CPS1: variants seen among roughly 807,000 people sequenced by gnomAD.
The protein encoded by CPS1 is carbamoyl-phosphate synthase [ammonia], mitochondrial.
In CPS1, 109 loss-of-function variants were observed where a neutral mutation model predicts 174.6. The observed-to-expected ratio is 0.62, with a 90% CI of 0.53 to 0.73. The LOEUF (loss-of-function observed/expected upper bound fraction) is 0.73, where lower values mean the gene tolerates loss of function less well. Ranked by LOEUF, CPS1 falls within the 30% of genes least tolerant of loss-of-function variation. The probability of loss-of-function intolerance (pLI) is 0.00; values close to 1 mark genes in which losing one functional copy is unlikely to be tolerated. For synonymous variants in CPS1, 637 were observed against 632.0 expected (o/e 1.01, Z -0.12); for missense variants, 1,689 against 1,821.9 (o/e 0.93, Z 1.33).
At chr2:210,627,153 T>G (rs572110858) in intron 21 of CPS1, among the ~76,000 whole-genome samples, 1 of 152,140 alleles carries the variant, frequency 6.6e-6, no homozygotes, top group Non-Finnish European at 1.5e-5. Flanking sequence ...GAGGAGACAT[T>G]GTGAGGAATT....
intron 21 of CPS1, among the ~76,000 whole-genome samples, chr2:210,623,646 G>A (rs1183066063): frequency 6.6e-6 from 1 of 152,108 alleles, no homozygotes; most frequent in African/African-American, 2.4e-5. Context: ...GACAACCCTG[G>A]TGAGTTCCAC....
chr2:210,546,093 A>C (rs1696557505), intron 1 of CPS1, among the ~76,000 whole-genome samples: 1 of 152,076 alleles, frequency 6.6e-6, no homozygotes, highest in East Asian at 1.9e-4. Flanking sequence ...CACTTCTAAG[A>C]ATAAAACTGA....
Position 210,590,120 on chromosome 2 carries a change from G to A in CPS1, c.726G>A (p.Val242=), listed in dbSNP as rs765377334. 10 of 1,612,742 alleles carry A rather than the reference G, an allele frequency of 6.2e-6. No homozygotes were observed. The highest frequency in any genetic ancestry group is 5.0e-5 in the Admixed American group (3 of 59,920). Reference sequence around the variant, plus strand: ...CTCTTTTCCAGCGAGGAGCTGAAGTGCACTTAGTTCCCTGGAACCATGATT... The same window carrying A: ...CTCTTTTCCAGCGAGGAGCTGAAGTACACTTAGTTCCCTGGAACCATGATT... ...IRLLVKRGAE[V]HLVPWNHDFT... The change falls in exon 8 of 38, where the codon GTG becomes GTA. Residue 242 remains valine (V), a synonymous_variant. Transcript: ENST00000233072.
chr2:210,628,985 G>C (rs1195316028), intron 21 of CPS1, among the ~76,000 whole-genome samples: 1 of 152,042 alleles, frequency 6.6e-6, no homozygotes, highest in Non-Finnish European at 1.5e-5. Context: ...AAATATAGGA[G>C]TTTCAAATAA....
At chr2:210,626,386 G>T (rs568818251) in intron 21 of CPS1, among the ~76,000 whole-genome samples, 1 of 152,078 alleles carries the variant, frequency 6.6e-6, no homozygotes, top group Admixed American at 6.5e-5. Flanking sequence ...TATGATTCCT[G>T]GTTGTTCAAA....
chr2:210,510,767 G>A (rs1315347965), intron 1 of CPS1, among the ~76,000 whole-genome samples: 16 of 151,298 alleles, frequency 1.1e-4, no homozygotes, highest in African/African-American at 3.9e-4. Context: ...GCAGCCAAAA[G>A]ACACATGAAA....
intron 1 of CPS1, among the ~76,000 whole-genome samples, chr2:210,543,196 A>G (rs891720924): frequency 6.6e-6 from 1 of 152,202 alleles, no homozygotes; most frequent in African/African-American, 2.4e-5. Context: ...CTCACGTTGC[A>G]TGCAGTGCAT....
At chr2:210,527,776 AT>A (rs1486066980) in intron 1 of CPS1, among the ~76,000 whole-genome samples, 1 of 151,890 alleles carries the variant, frequency 6.6e-6, no homozygotes, top group African/African-American at 2.4e-5. Context: ...TACCTAATAT[AT>A]TCTTGACAGA....
intron 1 of CPS1, among the ~76,000 whole-genome samples, chr2:210,525,734 C>T (rs1695954960): frequency 6.6e-6 from 1 of 150,758 alleles, no homozygotes; most frequent in Non-Finnish European, 1.5e-5. Flanking sequence ...TGGGCTGAGC[C>T]TTAGGAAACA....
chr2:210,660,223 T>C (rs1700871926), intron 31 of CPS1, among the ~76,000 whole-genome samples: 1 of 152,110 alleles, frequency 6.6e-6, no homozygotes, highest in African/African-American at 2.4e-5. Flanking sequence ...ATGGCATTAT[T>C]TGAGCTCTGC....
intron 1 of CPS1, among the ~76,000 whole-genome samples, chr2:210,487,332 T>C (rs1232550116): frequency 6.6e-6 from 1 of 152,190 alleles, no homozygotes; most frequent in Non-Finnish European, 1.5e-5. Context: ...GTTGGAGGAC[T>C]TGCTCTCTGT....
intron 1 of CPS1, among the ~76,000 whole-genome samples, chr2:210,543,682 T>G (rs955033515): frequency 6.6e-6 from 1 of 152,124 alleles, no homozygotes; most frequent in Non-Finnish European, 1.5e-5. Context: ...TAAGCTGTCT[T>G]AATATACTGA....
At chr2:210,624,896 T>C (rs1448009952) in intron 21 of CPS1, among the ~76,000 whole-genome samples, 3 of 152,050 alleles carry the variant, frequency 2.0e-5, no homozygotes, top group African/African-American at 7.2e-5. Flanking sequence ...TTCATAAGAA[T>C]ATACAACTTA....
chr2:210,658,436 G>T, intron 30 of CPS1, 163 bp from the exon 31 acceptor site: 1 of 604,096 alleles, frequency 1.7e-6, no homozygotes, highest in Non-Finnish European at 3.0e-6. Context: ...TTTGTTAATA[G>T]AAACCTAATA....
chr2:210,482,889 T>C (rs561691509), intron 1 of CPS1, among the ~76,000 whole-genome samples: 1 of 152,348 alleles, frequency 6.6e-6, no homozygotes, highest in East Asian at 1.9e-4. Context: ...TTCACTTAGA[T>C]ACTTTCAGAG....
chr2:210,533,560 T>A (rs1310754001), intron 1 of CPS1, among the ~76,000 whole-genome samples: 1 of 152,134 alleles, frequency 6.6e-6, no homozygotes, highest in Non-Finnish European at 1.5e-5. Flanking sequence ...GAGTCTGTGT[T>A]CTCCGGTACA....
intron 1 of CPS1, among the ~76,000 whole-genome samples, chr2:210,498,068 G>A (rs978486046): frequency 2.0e-5 from 3 of 151,246 alleles, no homozygotes; most frequent in South Asian, 2.1e-4. Context: ...TCACAGCCTC[G>A]CCAGCATCGG....
At position 210,644,220 on chromosome 2, in the gene CPS1, T is replaced by C. The variant is rs576462621; in HGVS notation, c.3141+1555T>C. On this transcript the variant is annotated intron_variant, in intron 25 of 37. Coordinates refer to ENST00000233072, the MANE Select transcript of CPS1 (RefSeq NM_001875.5). Reference sequence around the variant, plus strand: ...GAAGTTGGCCCTTCTTTGAAACTAATTGGTATTTAAAATATAGTATTACTA... The same window carrying C: ...GAAGTTGGCCCTTCTTTGAAACTAACTGGTATTTAAAATATAGTATTACTA... Among the ~76,000 whole-genome samples the C allele has an allele frequency of 5.3e-5, 8 of 152,174 alleles. No homozygotes were observed. In the East Asian group the frequency reaches 9.6e-4, roughly 18 times the overall value.
intron 1 of CPS1, among the ~76,000 whole-genome samples, chr2:210,525,405 T>C (rs1432123936): frequency 1.3e-5 from 2 of 151,934 alleles, no homozygotes; most frequent in East Asian, 3.9e-4. Flanking sequence ...TGTAAATTAC[T>C]CTGGATTTGT....
Sources: gnomAD v4.1 joint callset for allele counts (sites outside exome capture counted in the v4.1 genomes callset) on GRCh38, gnomAD v4.1.1 for gene constraint, MANE v1.5 for transcripts, NCBI Gene and HGNC (gene_info 2026-07-23, HGNC 2026-07-21) for gene names.